Variants in NOS1AP observed in about 807,000 individuals in gnomAD.
NOS1AP encodes carboxyl-terminal PDZ ligand of neuronal nitric oxide synthase protein.
In NOS1AP, 21 loss-of-function variants were observed where a neutral mutation model predicts 56.2. The ratio of observed to expected loss-of-function variants is 0.37; its 90% CI spans 0.26 to 0.54. The LOEUF (loss-of-function observed/expected upper bound fraction) is 0.54. Among genes scored for constraint, NOS1AP ranks in the 20% least tolerant of loss-of-function variants. The pLI is 0.84. For missense variants in NOS1AP, 522 were observed against 657.8 expected, an observed-to-expected ratio of 0.79 and a Z score of 2.26; for synonymous variants, 270 against 274.6, an observed-to-expected ratio of 0.98 and a Z score of 0.17.
At chr1:162,358,543 G>C (rs1394530339) in intron 8 of NOS1AP, among the ~76,000 whole-genome samples, 1 of 152,094 alleles carries the variant, frequency 6.6e-6, no homozygotes, top group African/African-American at 2.4e-5. Context: ...GTCATTAATG[G>C]CTTCTTATAT....
chr1:162,184,958 G>C (rs1327155379), intron 2 of NOS1AP, among the ~76,000 whole-genome samples: 1 of 152,160 alleles, frequency 6.6e-6, no homozygotes, highest in Non-Finnish European at 1.5e-5. Context: ...AGTTCACTAT[G>C]GGTCTCACTG....
intron 1 of NOS1AP, among the ~76,000 whole-genome samples, chr1:162,108,587 A>G (rs1292398466): frequency 6.6e-6 from 1 of 152,204 alleles, no homozygotes; most frequent in East Asian, 1.9e-4. Context: ...GAATGATATC[A>G]CATCATTATT....
At chr1:162,201,760 G>C (rs1651999305) in intron 2 of NOS1AP, among the ~76,000 whole-genome samples, 1 of 152,198 alleles carries the variant, frequency 6.6e-6, no homozygotes, top group African/African-American at 2.4e-5. Context: ...TTTGAAAAGT[G>C]TCTGTTCATG....
At chr1:162,284,935 G>GTT (rs1368083773) in intron 2 of NOS1AP, among the ~76,000 whole-genome samples, 1 of 152,184 alleles carries the variant, frequency 6.6e-6, no homozygotes, top group Non-Finnish European at 1.5e-5. Context: ...GACATTTAAG[G>GTT]TTATGGCATA....
At chr1:162,362,967 C>T in intron 8 of NOS1AP, 1 of 949,668 alleles carries the variant, frequency 1.1e-6, no homozygotes, top group Middle Eastern at 5.4e-4. Context: ...TCCTGCTATA[C>T]TGTCACAACA....
intron 2 of NOS1AP, among the ~76,000 whole-genome samples, chr1:162,274,410 C>A (rs1247966601): frequency 6.6e-6 from 1 of 152,120 alleles, no homozygotes; most frequent in Non-Finnish European, 1.5e-5. Context: ...TTATATAGCA[C>A]CCTCACTTGG....
intron 4 of NOS1AP, among the ~76,000 whole-genome samples, chr1:162,312,882 C>A (rs1039429125): frequency 1.3e-4 from 20 of 151,580 alleles, no homozygotes; most frequent in Non-Finnish European, 2.4e-4. Flanking sequence ...ACAAAAACCA[C>A]ATGATTATCT....
chr1:162,319,756 C>T (rs1656353104), intron 4 of NOS1AP, among the ~76,000 whole-genome samples: 2 of 152,196 alleles, frequency 1.3e-5, no homozygotes, highest in Non-Finnish European at 2.9e-5. Context: ...TCTCTTGGCT[C>T]TGGAAACTGC....
chr1:162,092,069 G>A (rs1380181665), intron 1 of NOS1AP, among the ~76,000 whole-genome samples: 1 of 152,122 alleles, frequency 6.6e-6, no homozygotes, highest in African/African-American at 2.4e-5. Flanking sequence ...CTAGTTCAAG[G>A]CTGTGGATCC....
At chr1:162,127,330 G>A (rs988416265) in intron 1 of NOS1AP, among the ~76,000 whole-genome samples, 1 of 151,878 alleles carries the variant, frequency 6.6e-6, no homozygotes, top group African/African-American at 2.4e-5. Flanking sequence ...CTCCATCTGG[G>A]TTTACAAAGT....
At chr1:162,322,640 G>A (rs894152703) in intron 4 of NOS1AP, among the ~76,000 whole-genome samples, 6 of 152,144 alleles carry the variant, frequency 3.9e-5, no homozygotes, top group Admixed American at 6.5e-5. Context: ...GATGGAAAGT[G>A]GACAATCAGT....
chr1:162,127,942 C>G (rs536730020), intron 1 of NOS1AP, among the ~76,000 whole-genome samples: 8 of 152,004 alleles, frequency 5.3e-5, no homozygotes, highest in Admixed American at 1.3e-4. Context: ...CATTTTTACA[C>G]CAAAAAAATG....
intron 3 of NOS1AP, among the ~76,000 whole-genome samples, chr1:162,291,383 A>C (rs1287293811): frequency 1.3e-5 from 2 of 152,204 alleles, no homozygotes; most frequent in Non-Finnish European, 2.9e-5. Context: ...ATGTCATTAA[A>C]TTATGAGAAA....
At chr1:162,126,486 A>G (rs1303836086) in intron 1 of NOS1AP, among the ~76,000 whole-genome samples, 1 of 151,548 alleles carries the variant, frequency 6.6e-6, no homozygotes, top group African/African-American at 2.4e-5. Context: ...TCCATTTTTG[A>G]TGATGTTAAC....
intron 2 of NOS1AP, among the ~76,000 whole-genome samples, chr1:162,275,114 G>T (rs1654695080): frequency 6.6e-6 from 1 of 151,998 alleles, no homozygotes; most frequent in African/African-American, 2.4e-5. Flanking sequence ...TCATGCTTTT[G>T]GTATCATATG....
At chr1:162,177,837 T>C (rs1651117444) in intron 2 of NOS1AP, among the ~76,000 whole-genome samples, 1 of 152,162 alleles carries the variant, frequency 6.6e-6, no homozygotes, top group African/African-American at 2.4e-5. Context: ...TGAACCTACA[T>C]TGACACATCA....
chr1:162,115,160 A>T (rs958688154), intron 1 of NOS1AP, among the ~76,000 whole-genome samples: 1 of 152,172 alleles, frequency 6.6e-6, no homozygotes, highest in Non-Finnish European at 1.5e-5. Context: ...CCTCTTTTGG[A>T]GCTTTACAAA....
rs1651435152 is a variant in NOS1AP at position 162,186,437 on chromosome 1, C to T, written c.177+31961C>T. Among the ~76,000 whole-genome samples, 4 of 151,710 alleles carry T rather than the reference C, an allele frequency of 2.6e-5. No homozygotes were observed. In the South Asian group the frequency reaches 8.3e-4, roughly 32 times the overall value. On this transcript the variant is annotated intron_variant, in intron 2 of 9. Coordinates refer to ENST00000361897, the MANE Select transcript of NOS1AP (RefSeq NM_014697.3). ...ACAAAACAAAAAAAAACAAAAAAAC[C>T]CCAGCTCTCTCCCACTGGCCAGAAA... is the stretch of plus-strand genomic sequence containing the variant.
chr1:162,153,065 A>G (rs1273076406), intron 1 of NOS1AP, among the ~76,000 whole-genome samples: 1 of 152,188 alleles, frequency 6.6e-6, no homozygotes, highest in Non-Finnish European at 1.5e-5. Context: ...TCAATGAATC[A>G]GTGTTGGGTG....
Sources: allele counts gnomAD v4.1 joint callset (sites outside exome capture counted in the v4.1 genomes callset), GRCh38; gene constraint gnomAD v4.1.1; transcripts MANE v1.5; gene names NCBI Gene and HGNC (gene_info 2026-07-23, HGNC 2026-07-21).